The following NMNAT3 variants were observed in gnomAD, a reference collection of about 807,000 sequenced individuals.
NMNAT3 encodes the protein nicotinamide/nicotinic acid mononucleotide adenylyltransferase 3.
A neutral mutation model predicts 24.8 loss-of-function variants in NMNAT3; 21 were observed. That is an observed-to-expected ratio of 0.85 (90% CI 0.60 to 1.22). NMNAT3 has a LOEUF of 1.22. NMNAT3 is among the 50% of genes most tolerant of loss of function. The pLI is 0.00. For missense variants in NMNAT3, 387 were observed against 436.6 expected (o/e 0.89, Z 1.01); for synonymous variants, 136 against 155.2 (o/e 0.88, Z 0.92).
intron 6 of NMNAT3, among the ~76,000 whole-genome samples, chr3:139,564,479 C>T (rs985332378): frequency 5.3e-5 from 8 of 152,120 alleles, no homozygotes; most frequent in African/African-American, 1.2e-4. Context: ...CATGGGTGGG[C>T]GCCACCTTCA....
chr3:139,666,645 C>G (rs2057592219), intron 1 of NMNAT3, among the ~76,000 whole-genome samples: 2 of 152,140 alleles, frequency 1.3e-5, no homozygotes, highest in Non-Finnish European at 2.9e-5. Context: ...TTACTGTTAA[C>G]TATTGTCACC....
At chr3:139,582,172 CA>C (rs2053653024) in intron 4 of NMNAT3, among the ~76,000 whole-genome samples, 1 of 93,358 alleles carries the variant, frequency 1.1e-5, no homozygotes, top group Admixed American at 1.8e-4. Context: ...GCCTAGGCAA[CA>C]GAGCAAGACT....
intron 3 of NMNAT3, among the ~76,000 whole-genome samples, chr3:139,587,668 A>G (rs1472592623): frequency 6.6e-6 from 1 of 152,210 alleles, no homozygotes; most frequent in Non-Finnish European, 1.5e-5. Context: ...TTCACAATTC[A>G]TGGAAATGGT....
intron 3 of NMNAT3, among the ~76,000 whole-genome samples, chr3:139,617,769 ATCTC>A (rs1371494534): frequency 1.3e-5 from 2 of 152,254 alleles, no homozygotes; most frequent in African/African-American, 4.8e-5. Flanking sequence ...ATGTAATTCA[ATCTC>A]TATTAGTAAG....
intron 2 of NMNAT3, chr3:139,636,487 A>G (rs1424065554): frequency 6.6e-6 from 1 of 152,204 alleles, no homozygotes; most frequent in Non-Finnish European, 1.5e-5. Flanking sequence ...CTTCTCCCCA[A>G]AACAGATTCA....
chr3:139,601,690 C>T (rs1576620413), intron 3 of NMNAT3, among the ~76,000 whole-genome samples: 1 of 152,062 alleles, frequency 6.6e-6, no homozygotes, highest in African/African-American at 2.4e-5. Context: ...CCTGCTCTCA[C>T]AGGATGGGGT....
At chr3:139,629,964 C>G (rs1313141928) in intron 2 of NMNAT3, among the ~76,000 whole-genome samples, 1 of 152,186 alleles carries the variant, frequency 6.6e-6, no homozygotes, top group Non-Finnish European at 1.5e-5. Flanking sequence ...ATACCAGAAG[C>G]CTAACCTCAG....
intron 3 of NMNAT3, among the ~76,000 whole-genome samples, chr3:139,596,552 T>C (rs1036900879): frequency 1.3e-5 from 2 of 152,276 alleles, no homozygotes; most frequent in South Asian, 4.1e-4. Context: ...TCCATTATGC[T>C]GTCTGGAGTC....
intron 3 of NMNAT3, among the ~76,000 whole-genome samples, chr3:139,621,554 TAG>T (rs1037616823): frequency 7.2e-5 from 11 of 152,174 alleles, no homozygotes; most frequent in Admixed American, 1.3e-4. Context: ...GTATTTTTAG[TAG>T]AGACAGGGTT....
In NMNAT3 at chr3:139,623,736, C is replaced by G. The variant is rs145252644; in HGVS notation, c.109+3880G>C. Among the ~76,000 whole-genome samples, 92 of 152,200 alleles carry G rather than the reference C, an allele frequency of 6.0e-4. No homozygotes were observed. In the East Asian group the frequency reaches 0.018, roughly 29 times the overall value. ...TAGCTGGGATTACAGGTGCGTGCCA[C>G]CAGGCCTGGCTAATTTTTGTATTTT... is the stretch of plus-strand genomic sequence containing the variant. On this transcript the variant is annotated intron_variant, in intron 3 of 6. Transcript: ENST00000643695.
intron 3 of NMNAT3, among the ~76,000 whole-genome samples, chr3:139,611,943 G>A (rs911885133): frequency 6.6e-6 from 1 of 152,142 alleles, no homozygotes; most frequent in Non-Finnish European, 1.5e-5. Flanking sequence ...TGAGGCGGGC[G>A]GATCACCGGA....
At chr3:139,623,646 C>A (rs2055904560) in intron 3 of NMNAT3, among the ~76,000 whole-genome samples, 1 of 152,098 alleles carries the variant, frequency 6.6e-6, no homozygotes, top group South Asian at 2.1e-4. Context: ...TGCAGTAGCT[C>A]AATCTCAGCT....
chr3:139,663,506 G>C (rs998058324), intron 1 of NMNAT3, among the ~76,000 whole-genome samples: 1 of 152,176 alleles, frequency 6.6e-6, no homozygotes, highest in African/African-American at 2.4e-5. Flanking sequence ...AAGTCAAACA[G>C]CTATTAAGTA....
chr3:139,592,616 A>G (rs1474550204), intron 3 of NMNAT3, among the ~76,000 whole-genome samples: 1 of 152,218 alleles, frequency 6.6e-6, no homozygotes, highest in African/African-American at 2.4e-5. Flanking sequence ...CTAACAGCAG[A>G]TCTCTCAGCA....
chr3:139,656,328 C>T (rs911019596), intron 1 of NMNAT3, among the ~76,000 whole-genome samples: 1 of 151,830 alleles, frequency 6.6e-6, no homozygotes, highest in Non-Finnish European at 1.5e-5. Context: ...TTTGAAGGTC[C>T]TATTGGTGGC....
intron 3 of NMNAT3, among the ~76,000 whole-genome samples, chr3:139,595,067 T>C (rs2054383005): frequency 6.6e-6 from 1 of 152,170 alleles, no homozygotes; most frequent in Non-Finnish European, 1.5e-5. Flanking sequence ...AAAACCCCAT[T>C]GTTTCAGCCC....
chr3:139,675,314 C>T (rs1007591178), intron 1 of NMNAT3, among the ~76,000 whole-genome samples: 3 of 152,196 alleles, frequency 2.0e-5, no homozygotes, highest in African/African-American at 7.2e-5. Context: ...CCAGAACGGT[C>T]TCAGGCAGTT....
chr3:139,631,931 A>G (rs1378242493), intron 2 of NMNAT3, among the ~76,000 whole-genome samples: 1 of 152,088 alleles, frequency 6.6e-6, no homozygotes, highest in Non-Finnish European at 1.5e-5. Context: ...GTGGAAGATA[A>G]TATCTTAGAG....
Position 139,578,933 on chromosome 3 carries a change from T to A in NMNAT3, c.514A>T (p.Ile172Phe). The stretch of plus-strand genomic sequence containing the variant: ...TCACTCTCCCAAGGGTCCACCCGGA[T>A]CCAGTCGGATGTCTGCAGGGCCAGC... The change falls in exon 5 of 7, where the codon ATC becomes TTC. Residue 172 changes from isoleucine to phenylalanine, a missense_variant. Physicochemically the swap from Ile to Phe is conservative, Grantham distance 21. This residue lies in a region of NMNAT3 where 323 missense variants were observed against 345.2 expected (regional missense o/e 0.94). Coordinates refer to ENST00000643695, the MANE Select transcript of NMNAT3 (RefSeq NM_001320510.2). 1 of 1,614,158 alleles carries A rather than the reference T, an allele frequency of 6.2e-7. No homozygotes were observed. The highest frequency in any genetic ancestry group is 1.1e-5 in the South Asian group (1 of 91,084).
Sources: gnomAD v4.1 joint callset for allele counts (sites outside exome capture counted in the v4.1 genomes callset) on GRCh38, gnomAD v4.1.1 for gene constraint, gnomAD v4.1.1 regional missense constraint, MANE v1.5 for transcripts, NCBI Gene and HGNC (gene_info 2026-07-23, HGNC 2026-07-21) for gene names.